MAGI2: variants seen among roughly 807,000 people sequenced by gnomAD.
MAGI2 encodes the protein membrane associated guanylate kinase, WW and PDZ domain containing 2.
In MAGI2, 35 loss-of-function variants were observed where a neutral mutation model predicts 133.3. The observed-to-expected ratio is 0.26, with a 90% CI of 0.20 to 0.35. MAGI2 has a LOEUF of 0.35. Among genes scored for constraint, MAGI2 ranks in the 10% least tolerant of loss-of-function variants. The pLI is 1.00. For missense variants in MAGI2, 1,636 were observed against 1,863.4 expected, an observed-to-expected ratio of 0.88 and a Z score of 2.25; for synonymous variants, 729 against 710.6, an observed-to-expected ratio of 1.03 and a Z score of -0.41.
At chr7:78,525,384 C>T (rs1446513960) in intron 3 of MAGI2, among the ~76,000 whole-genome samples, 2 of 150,628 alleles carry the variant, frequency 1.3e-5, no homozygotes, top group African/African-American at 2.5e-5. Flanking sequence ...GAAGAATTAG[C>T]CAAGCAGTCA....
chr7:79,418,885 AC>A (rs1201799149), intron 1 of MAGI2, among the ~76,000 whole-genome samples: 2 of 89,418 alleles, frequency 2.2e-5, no homozygotes, highest in East Asian at 6.4e-4. Flanking sequence ...ACACACACAC[AC>A]ATTTGTCAGA....
chr7:78,542,634 G>C (rs1247992738), intron 3 of MAGI2, among the ~76,000 whole-genome samples: 1 of 152,158 alleles, frequency 6.6e-6, no homozygotes, highest in East Asian at 1.9e-4. Context: ...ATAGGCCAAA[G>C]CACAGCAAGC....
intron 1 of MAGI2, among the ~76,000 whole-genome samples, chr7:79,257,949 G>T (rs1374680015): frequency 6.6e-6 from 1 of 152,120 alleles, no homozygotes; most frequent in African/African-American, 2.4e-5. Context: ...TCACTGGCAA[G>T]AGAACATATA....
intron 1 of MAGI2, among the ~76,000 whole-genome samples, chr7:79,153,966 C>T (rs1008870285): frequency 6.6e-6 from 1 of 152,104 alleles, no homozygotes; most frequent in Non-Finnish European, 1.5e-5. Context: ...TATATGCCAT[C>T]ACTTGGGCCA....
chr7:78,757,142 CTT>C (rs768120581), intron 2 of MAGI2, among the ~76,000 whole-genome samples: 7 of 152,154 alleles, frequency 4.6e-5, no homozygotes, highest in Non-Finnish European at 8.8e-5. Context: ...CACCTAACTC[CTT>C]GTTTGCCCAT....
chr7:78,909,278 T>C (rs1798210969), intron 2 of MAGI2, among the ~76,000 whole-genome samples: 1 of 151,714 alleles, frequency 6.6e-6, no homozygotes, highest in African/African-American at 2.4e-5. Context: ...TACCATCTCA[T>C]GTCAGAATGG....
intron 9 of MAGI2, among the ~76,000 whole-genome samples, chr7:78,311,667 T>G (rs936441457): frequency 3.9e-5 from 6 of 152,210 alleles, no homozygotes; most frequent in Admixed American, 1.3e-4. Flanking sequence ...TCTAGATCAA[T>G]AGAGATAAAA....
At chr7:79,007,451 A>G (rs1246233083) in intron 1 of MAGI2, among the ~76,000 whole-genome samples, 1 of 152,190 alleles carries the variant, frequency 6.6e-6, no homozygotes, top group Non-Finnish European at 1.5e-5. Flanking sequence ...TTCATTTAGA[A>G]TGAAGCCTAT....
At chr7:79,159,010 T>C (rs2129547553) in intron 1 of MAGI2, among the ~76,000 whole-genome samples, 1 of 152,188 alleles carries the variant, frequency 6.6e-6, no homozygotes, top group East Asian at 1.9e-4. Flanking sequence ...ATACAGGTTA[T>C]ACAAGGTATA....
rs375687638 is a variant in MAGI2 at position 79,367,006 on chromosome 7, C to T, written c.301+86014G>A. On this transcript the variant is annotated intron_variant, in intron 1 of 21. Transcript: ENST00000354212. ...CCAGGTTTAACAGAAATATTCACTC[C>T]TTCTAGATACAGGTGAACTTCTTGA... Among the ~76,000 whole-genome samples the T allele has an allele frequency of 1.5e-3, 234 of 152,240 alleles. 4 individuals carry two copies. In the South Asian group the frequency reaches 0.046, roughly 30 times the overall value.
chr7:78,874,348 C>T (rs1254034509), intron 2 of MAGI2, among the ~76,000 whole-genome samples: 2 of 152,046 alleles, frequency 1.3e-5, no homozygotes, highest in Admixed American at 6.6e-5. Flanking sequence ...CAGCAGTATA[C>T]ACAAGTACAT....
chr7:78,645,261 T>C (rs1041723546), intron 2 of MAGI2, among the ~76,000 whole-genome samples: 2 of 152,140 alleles, frequency 1.3e-5, no homozygotes, highest in African/African-American at 4.8e-5. Context: ...CTATACAAAT[T>C]CTTTCAGAAA....
chr7:78,365,975 G>A (rs1793337030), intron 7 of MAGI2, among the ~76,000 whole-genome samples: 1 of 152,196 alleles, frequency 6.6e-6, no homozygotes, highest in Non-Finnish European at 1.5e-5. Flanking sequence ...TATCTGAAGA[G>A]AGGTGCTAAC....
chr7:78,880,092 A>G (rs1032352808), intron 2 of MAGI2, among the ~76,000 whole-genome samples: 1 of 152,084 alleles, frequency 6.6e-6, no homozygotes, highest in Non-Finnish European at 1.5e-5. Context: ...CCAAACCTAT[A>G]AATTACTGGC....
intron 5 of MAGI2, 86 bp downstream of exon 5, chr7:78,501,491 T>C (rs1794620162): frequency 3.4e-6 from 4 of 1,190,274 alleles, no homozygotes; most frequent in Admixed American, 2.4e-5. Flanking sequence ...TTTCTTTTTT[T>C]TTTTTTTTCC....
intron 2 of MAGI2, among the ~76,000 whole-genome samples, chr7:78,979,359 C>T (rs1228332653): frequency 2.6e-5 from 4 of 151,608 alleles, no homozygotes; most frequent in African/African-American, 7.3e-5. Flanking sequence ...AGTCCCCCCC[C>T]AGCCAATGCT....
chr7:78,922,690 T>G (rs13246036), intron 2 of MAGI2, among the ~76,000 whole-genome samples: 2 of 152,172 alleles, frequency 1.3e-5, no homozygotes, highest in South Asian at 4.1e-4. Flanking sequence ...TGATTTATAG[T>G]CCTTTGGGTA....
chr7:79,077,574 C>CAAAAAAAAAAAAAAAAAAAAAAA (rs769770373), intron 1 of MAGI2, among the ~76,000 whole-genome samples: 1 of 23,792 alleles, frequency 4.2e-5, no homozygotes, highest in African/African-American at 1.5e-4. Context: ...GACTGCCTCT[C>CAAAAAAAAAAAAAAAAAAAAAAA]AAAAAAAAAA....
chr7:78,527,064 C>T (rs893293497), intron 3 of MAGI2, among the ~76,000 whole-genome samples: 5 of 137,832 alleles, frequency 3.6e-5, no homozygotes, highest in African/African-American at 7.8e-5. Context: ...AAAACTTTTC[C>T]AAAAATGTGA....
Sources: gnomAD v4.1 joint callset for allele counts (sites outside exome capture counted in the v4.1 genomes callset) on GRCh38, gnomAD v4.1.1 for gene constraint, MANE v1.5 for transcripts, NCBI Gene and HGNC (gene_info 2026-07-23, HGNC 2026-07-21) for gene names.